The following ZMAT3 variants were observed in gnomAD, a reference collection of about 807,000 sequenced individuals.
ZMAT3 encodes zinc finger matrin-type protein 3.
Under a neutral mutation model 32.3 loss-of-function variants are expected in ZMAT3, and 17 were observed. The ratio of observed to expected loss-of-function variants is 0.53; its 90% confidence interval spans 0.36 to 0.79. The LOEUF (loss-of-function observed/expected upper bound fraction) is 0.79, where lower values mean the gene tolerates loss of function less well. ZMAT3 is among the 30% of genes least tolerant of loss of function. ZMAT3 has a pLI of 0.00. For synonymous variants in ZMAT3, 120 were observed against 133.1 expected (o/e 0.90, Z 0.68); for missense variants, 329 against 359.7 (o/e 0.91, Z 0.69).
intron 2 of ZMAT3, among the ~76,000 whole-genome samples, chr3:179,062,033 T>C (rs1721177108): frequency 6.6e-6 from 1 of 152,110 alleles, no homozygotes; most frequent in Admixed American, 6.5e-5. Flanking sequence ...GGAGAACAGG[T>C]GATTACTACT....
intron 2 of ZMAT3, among the ~76,000 whole-genome samples, chr3:179,052,898 C>T (rs1196544415): frequency 6.6e-6 from 1 of 152,064 alleles, no homozygotes; most frequent in Non-Finnish European, 1.5e-5. Flanking sequence ...AAGGCAGAGG[C>T]AGGCGGATCA....
intron 2 of ZMAT3, among the ~76,000 whole-genome samples, chr3:179,047,803 G>A (rs1394617254): frequency 2.0e-5 from 3 of 151,740 alleles, no homozygotes; most frequent in Non-Finnish European, 2.9e-5. Flanking sequence ...AGGTTGCAGT[G>A]AGCTGAGATC....
In ZMAT3 at chr3:179,021,457, T is replaced by G. The variant is rs567242140; in HGVS notation, c.*3560A>C. ...GTCATCTTCTAACGTTGATTTTTTA[T>G]GACAACTTACACAAAGATATTATTC... On this transcript the variant is annotated 3_prime_UTR_variant, in exon 6 of 6. Transcript: ENST00000311417. 18 of 152,362 alleles carry G rather than the reference T, an allele frequency of 1.2e-4. No homozygotes were observed. In the South Asian group the frequency reaches 3.7e-3, roughly 32 times the overall value. 9.4% of individuals were successfully genotyped at this position (152,362 alleles called of 1,614,324 possible).
At chr3:179,030,721 C>A (rs760351342) in intron 3 of ZMAT3, among the ~76,000 whole-genome samples, 159 bp downstream of exon 3, 1 of 152,204 alleles carries the variant, frequency 6.6e-6, no homozygotes, top group Non-Finnish European at 1.5e-5. Context: ...AAATCCAGCA[C>A]TGTAGTTCAA....
chr3:179,041,508 GAAATAA>G (rs1719926652), intron 2 of ZMAT3, among the ~76,000 whole-genome samples: 1 of 152,206 alleles, frequency 6.6e-6, no homozygotes. Flanking sequence ...AATGAAGGCA[GAAATAA>G]AGATGTTCTT....
At position 179,025,210 on chromosome 3, in the gene ZMAT3, G is replaced by A; in HGVS notation, c.677C>T (p.Pro226Leu). ...QNNSAGPYFNPRSRQRIPRDL... is the reference protein window; with the variant it reads ...QNNSAGPYFNLRSRQRIPRDL... Reference sequence around the variant, plus strand: ...ACGTGGAATTCTCTGCCGAGAGCGGGGATTGAAGTAAGGACCTGCTAAAGC... The same window carrying A: ...ACGTGGAATTCTCTGCCGAGAGCGGAGATTGAAGTAAGGACCTGCTAAAGC... Residue 226 changes from proline to leucine, a missense_variant, in exon 6 of 6, where the codon CCC becomes CTC. By Grantham distance (98) the Pro-to-Leu change is moderately conservative. Coordinates refer to ENST00000311417, the MANE Select transcript of ZMAT3 (RefSeq NM_022470.4). 3 of 1,613,080 alleles carry A rather than the reference G, an allele frequency of 1.9e-6. No homozygotes were observed. Among genetic ancestry groups the A allele is most frequent in the Non-Finnish European group, 1.7e-6 (2 of 1,179,404 alleles).
rs1328067088 is a variant in ZMAT3 at position 179,017,718 on chromosome 3, T to C, written c.*7299A>G. 23 of 152,348 alleles carry C rather than the reference T, an allele frequency of 1.5e-4. 1 individual carries two copies. The highest frequency in any genetic ancestry group is 1.5e-5 in the Non-Finnish European group (1 of 68,028). The allele number at this position is 152,348 out of a possible 1,614,324, so 9.4% of individuals were successfully genotyped here. A position where few individuals can be genotyped will look rare whatever the true frequency, so the allele number is the denominator to read the frequency against. ...CAATAAAGGGTTCTAAAGCCTCCCT[T>C]GGTTTTACATTTTATTCTCTAATTT... On this transcript the variant is annotated 3_prime_UTR_variant, in exon 6 of 6. Coordinates refer to ENST00000311417, the MANE Select transcript of ZMAT3 (RefSeq NM_022470.4).
intron 2 of ZMAT3, among the ~76,000 whole-genome samples, chr3:179,041,077 T>C (rs900939209): frequency 3.9e-5 from 6 of 152,148 alleles, no homozygotes; most frequent in African/African-American, 1.4e-4. Context: ...CCCAGATTCA[T>C]AAAGCAAGTC....
chr3:179,068,835 T>C (rs1184521909), intron 1 of ZMAT3, among the ~76,000 whole-genome samples: 1 of 152,216 alleles, frequency 6.6e-6, no homozygotes, highest in East Asian at 1.9e-4. Flanking sequence ...GAATTAGTTG[T>C]TAGCATTTAA....
intron 2 of ZMAT3, among the ~76,000 whole-genome samples, chr3:179,038,324 T>G (rs1454669360): frequency 6.6e-6 from 1 of 152,212 alleles, no homozygotes; most frequent in Non-Finnish European, 1.5e-5. Context: ...CTCATGCCTA[T>G]AATCCCAGCA....
chr3:179,031,595 T>G (rs562793193), intron 2 of ZMAT3, among the ~76,000 whole-genome samples: 1 of 152,216 alleles, frequency 6.6e-6, no homozygotes, highest in South Asian at 2.1e-4. Context: ...GGAAATTAAT[T>G]TCCTGTATGT....
At chr3:179,056,277 T>A (rs995576828) in intron 2 of ZMAT3, among the ~76,000 whole-genome samples, 1 of 151,864 alleles carries the variant, frequency 6.6e-6, no homozygotes, top group African/African-American at 2.4e-5. Context: ...CTCAGTTTTT[T>A]ATAATAGAGA....
At position 179,023,689 on chromosome 3, in the gene ZMAT3, A is replaced by AACATATATATATAT. The variant is rs1553798288; in HGVS notation, c.*1327_*1328insATATATATATATGT. 2.1e-4 allele frequency: 9 copies of AACATATATATATAT among 42,262 alleles called. No homozygotes were observed. Among genetic ancestry groups the AACATATATATATAT allele is most frequent in the Non-Finnish European group, 3.4e-4 (9 of 26,154 alleles). 2.6% of individuals were successfully genotyped at this position (42,262 alleles called of 1,614,324 possible). ...CTTTGTTTCCTAAAAACTGCTGGAA[A>AACATATATATATAT]ATATATCTATATATATATATATTTT... On this transcript the variant is annotated 3_prime_UTR_variant, in exon 6 of 6. Transcript: ENST00000311417.
intron 2 of ZMAT3, among the ~76,000 whole-genome samples, chr3:179,031,936 C>T (rs1228313204): frequency 7.1e-4 from 1 of 1,406 alleles, no homozygotes; most frequent in Non-Finnish European, 1.7e-3. Context: ...TCTCCCTCTC[C>T]CTCCCCCTCC....
chr3:179,032,091 G>A (rs1227401234), intron 2 of ZMAT3, among the ~76,000 whole-genome samples: 1 of 142,232 alleles, frequency 7.0e-6, no homozygotes, highest in East Asian at 2.2e-4. Context: ...TCGGCTCACT[G>A]CAACCTCCCT....
intron 2 of ZMAT3, among the ~76,000 whole-genome samples, chr3:179,053,675 A>G (rs761092215): frequency 2.0e-5 from 3 of 152,246 alleles, no homozygotes; most frequent in Admixed American, 1.3e-4. Flanking sequence ...CCTTCTTGAC[A>G]TGACACACTA....
chr3:179,027,082 T>C (rs1718911483), intron 5 of ZMAT3, among the ~76,000 whole-genome samples: 1 of 152,212 alleles, frequency 6.6e-6, no homozygotes, highest in Non-Finnish European at 1.5e-5. Flanking sequence ...TTTAGAATCT[T>C]TTCTTTAACA....
At position 179,032,771 on chromosome 3, in the gene ZMAT3, G is replaced by A. The variant is rs534384268; in HGVS notation, c.271-1772C>T. 1.5e-4 allele frequency among the ~76,000 whole-genome samples: 22 copies of A among 150,890 alleles called. No individual in the cohort carries two copies. The East Asian group carries it at 2.0e-3, about 14-fold the overall frequency. ...TGAGGAGCCCCTCTGCCCCGCAGCCGCCCCGTCTGGGAAGTGAGGAGCCCC... is the reference window on the plus strand; with the variant it reads ...TGAGGAGCCCCTCTGCCCCGCAGCCACCCCGTCTGGGAAGTGAGGAGCCCC... On this transcript the variant is annotated intron_variant, in intron 2 of 5. Coordinates refer to ENST00000311417, the MANE Select transcript of ZMAT3 (RefSeq NM_022470.4).
chr3:179,050,190 G>A (rs938992898), intron 2 of ZMAT3, among the ~76,000 whole-genome samples: 1 of 151,788 alleles, frequency 6.6e-6, no homozygotes, highest in African/African-American at 2.4e-5. Context: ...ACAAAAGGTT[G>A]GTTTTTTGAC....
Sources: allele counts gnomAD v4.1 joint callset (sites outside exome capture counted in the v4.1 genomes callset), GRCh38; gene constraint gnomAD v4.1.1; transcripts MANE v1.5; gene names NCBI Gene and HGNC (gene_info 2026-07-23, HGNC 2026-07-21).